The following HIGD1A variants were observed in gnomAD, a reference collection of about 807,000 sequenced individuals.
HIGD1A encodes the protein HIG1 domain family member 1A, mitochondrial.
HIGD1A carries 8 observed loss-of-function variants against 11.3 expected under a neutral mutation model. That is an observed-to-expected ratio of 0.71 (90% CI 0.42 to 1.28). HIGD1A has a LOEUF of 1.28. Among genes scored for constraint, HIGD1A ranks in the 50% most tolerant of loss-of-function variants. The probability of loss-of-function intolerance (pLI) is 0.01; values close to 1 mark genes in which losing one functional copy is unlikely to be tolerated. For missense variants in HIGD1A, 107 were observed against 118.8 expected, an observed-to-expected ratio of 0.90 and a Z score of 0.46; for synonymous variants, 32 against 38.4, an observed-to-expected ratio of 0.83 and a Z score of 0.62.
chr3:42,784,070 C>T lies in HIGD1A; in HGVS notation c.*1201G>A, dbSNP rs977571361. ...CAGCCAAGATGACAGAGAATAACTC[C>T]GTCTCAAAAAAAAAAAAAAAAAATT... On this transcript the variant is annotated 3_prime_UTR_variant, in exon 4 of 4. Transcript: ENST00000321331. Among the ~76,000 whole-genome samples, 11 of 71,306 alleles carry T rather than the reference C, an allele frequency of 1.5e-4. No individual in the cohort carries two copies. The highest frequency in any genetic ancestry group is 2.5e-4 in the Non-Finnish European group (8 of 32,568). The allele number at this position is 71,306 out of a possible 152,430, so 46.8% of individuals were successfully genotyped here.
chr3:42,787,765 T>G (rs1419259624), intron 2 of HIGD1A, among the ~76,000 whole-genome samples: 2 of 150,780 alleles, frequency 1.3e-5, no homozygotes, highest in Non-Finnish European at 3.0e-5. Flanking sequence ...AACAACAGAA[T>G]AAGAAGCCCC....
chr3:42,789,940 T>C (rs570179348), intron 2 of HIGD1A, among the ~76,000 whole-genome samples: 20 of 152,186 alleles, frequency 1.3e-4, no homozygotes, highest in East Asian at 1.2e-3. Flanking sequence ...CCAGGCTGTC[T>C]TGAACTCCTA....
intron 1 of HIGD1A, chr3:42,804,023 G>T: frequency 2.5e-6 from 2 of 803,346 alleles, no homozygotes; most frequent in South Asian, 3.7e-5. Flanking sequence ...ATCCCGCCTC[G>T]CCTGCCGCTT....
intron 2 of HIGD1A, among the ~76,000 whole-genome samples, chr3:42,789,567 C>CAAAA (rs10648823): frequency 7.1e-6 from 1 of 140,398 alleles, no homozygotes; most frequent in Non-Finnish European, 1.5e-5. Flanking sequence ...CATCCAAGAA[C>CAAAA]AAAAAAAAAA....
intron 1 of HIGD1A, among the ~76,000 whole-genome samples, chr3:42,802,574 GAA>G (rs540610463): frequency 5.5e-4 from 83 of 152,266 alleles, no homozygotes; most frequent in African/African-American, 1.9e-3. Context: ...TTACCACGTA[GAA>G]GTTTCCAAAG....
At chr3:42,801,005 T>C (rs1462923391) in intron 1 of HIGD1A, among the ~76,000 whole-genome samples, 2 of 152,154 alleles carry the variant, frequency 1.3e-5, no homozygotes, top group African/African-American at 4.8e-5. Flanking sequence ...TCCAAATTCT[T>C]TTCTCTCTCT....
chr3:42,784,706 TA>T lies in HIGD1A; in HGVS notation c.*564del, dbSNP rs1297895865. ...TCTCATGTTTACAGTTGTGATTCTT[TA>T]ATAAATACTATTATGCAGCTCTATT... is the stretch of plus-strand genomic sequence containing the variant. On this transcript the variant is annotated 3_prime_UTR_variant, in exon 4 of 4. Transcript: ENST00000321331. 1 of 152,712 alleles carries T rather than the reference TA, an allele frequency of 6.5e-6. No individual in the cohort carries two copies. Among genetic ancestry groups the T allele is most frequent in the African/African-American group, 2.4e-5 (1 of 41,462 alleles). 9.5% of individuals were successfully genotyped at this position (152,712 alleles called of 1,614,324 possible).
intron 2 of HIGD1A, among the ~76,000 whole-genome samples, chr3:42,790,533 G>C (rs1194143203): frequency 6.6e-6 from 1 of 151,994 alleles, no homozygotes; most frequent in African/African-American, 2.4e-5. Flanking sequence ...ACTCCGTCTC[G>C]AAAGAAAGAA....
rs916285912 is a variant in HIGD1A at position 42,784,596 on chromosome 3, A to T, written c.*675T>A. 7 of 152,632 alleles carry T rather than the reference A, an allele frequency of 4.6e-5. No individual in the cohort carries two copies. Among genetic ancestry groups the T allele is most frequent in the Non-Finnish European group, 1.0e-4 (7 of 68,030 alleles). 9.5% of individuals were successfully genotyped at this position (152,632 alleles called of 1,614,324 possible). A position where few individuals can be genotyped will look rare whatever the true frequency, so the allele number is the denominator to read the frequency against. ...TTAAAATACATATTTCTATTTCAAG[A>T]TGACATTTAAAAATTATTCTAATAT... is the stretch of plus-strand genomic sequence containing the variant. On this transcript the variant is annotated 3_prime_UTR_variant, in exon 4 of 4. Transcript: ENST00000321331.
intron 2 of HIGD1A, among the ~76,000 whole-genome samples, chr3:42,790,770 G>A (rs1312078055): frequency 6.6e-6 from 1 of 151,998 alleles, no homozygotes; most frequent in African/African-American, 2.4e-5. Flanking sequence ...CATTTTTCCC[G>A]TTTTGGACTG....
chr3:42,785,332 G>T lies in HIGD1A; in HGVS notation c.233-12C>A, dbSNP rs372612938. On this transcript the variant is annotated splice_polypyrimidine_tract_variant and intron_variant, in intron 3 of 3. Coordinates refer to ENST00000321331, the MANE Select transcript of HIGD1A (RefSeq NM_014056.4). The stretch of plus-strand genomic sequence containing the variant: ...GGAATAGCCCATACCTAAAGAAAAA[G>T]AATGCTAGTTAAGCATTTCAGTATT... 2.4e-4 allele frequency: 379 copies of T among 1,602,376 alleles called. No homozygotes were observed. The highest frequency in any genetic ancestry group is 3.0e-4 in the Non-Finnish European group (357 of 1,171,994).
intron 1 of HIGD1A, among the ~76,000 whole-genome samples, chr3:42,802,320 C>A (rs1441655340): frequency 5.9e-5 from 9 of 152,004 alleles, no homozygotes; most frequent in Non-Finnish European, 1.5e-5. Flanking sequence ...AGAAAGTAGC[C>A]CCTGCGGTAA....
chr3:42,796,024 C>T (rs1307821387), intron 1 of HIGD1A, among the ~76,000 whole-genome samples: 1 of 152,178 alleles, frequency 6.6e-6, no homozygotes, highest in Non-Finnish European at 1.5e-5. Flanking sequence ...ATCTTACTTT[C>T]ACTTCTGGGT....
chr3:42,804,265 G>T, intron 1 of HIGD1A, 171 bp downstream of exon 1: 1 of 1,522,392 alleles, frequency 6.6e-7, no homozygotes, highest in Non-Finnish European at 9.0e-7. Context: ...ATCCGCCCAT[G>T]CTCGAGGCCG....
chr3:42,798,607 A>G (rs1700520804), intron 1 of HIGD1A, among the ~76,000 whole-genome samples: 2 of 3,258 alleles, frequency 6.1e-4, no homozygotes, highest in African/African-American at 6.6e-4. Flanking sequence ...CCCGTCCGGG[A>G]GGGAGGTGGG....
chr3:42,789,874 C>A (rs1488435978), intron 2 of HIGD1A, among the ~76,000 whole-genome samples: 1 of 151,990 alleles, frequency 6.6e-6, no homozygotes, highest in Non-Finnish European at 1.5e-5. Context: ...GCGTGTGGCA[C>A]CATGCCCAGC....
At chr3:42,788,317 TGAG>T (rs1472118216) in intron 2 of HIGD1A, among the ~76,000 whole-genome samples, 2 of 152,176 alleles carry the variant, frequency 1.3e-5, no homozygotes, top group Non-Finnish European at 2.9e-5. Flanking sequence ...GAATGATTTC[TGAG>T]GAGAATACAA....
intron 2 of HIGD1A, among the ~76,000 whole-genome samples, chr3:42,788,653 A>T (rs150236025): frequency 0.011 from 1,657 of 152,230 alleles, 47 homozygotes; most frequent in Non-Finnish European, 0.011. Flanking sequence ...AGGCCGAGGC[A>T]GGTGAATCAC....
chr3:42,786,132 T>C lies in HIGD1A; in HGVS notation c.128A>G (p.Tyr43Cys). 5 of 1,614,080 alleles carry C rather than the reference T, an allele frequency of 3.1e-6. No homozygotes were observed. The highest frequency in any genetic ancestry group is 1.1e-5 in the South Asian group (1 of 91,088). ...GIAGFAAIVA[Y>C]GLYKLKSRGN... The stretch of plus-strand genomic sequence containing the variant: ...CCTGCTCTTCAGTTTATATAATCCA[T>C]ATGCAACAATTGCTGCAAAACCCGC... The change falls in exon 3 of 4, where the codon TAT becomes TGT. Residue 43 changes from tyrosine to cysteine, a missense_variant. Transcript: ENST00000321331.
Sources: gnomAD v4.1 joint callset for allele counts (sites outside exome capture counted in the v4.1 genomes callset) on GRCh38, gnomAD v4.1.1 for gene constraint, MANE v1.5 for transcripts, NCBI Gene and HGNC (gene_info 2026-07-23, HGNC 2026-07-21) for gene names.